Variants in GRK7 observed in about 807,000 individuals in gnomAD.
The protein encoded by GRK7 is G protein-coupled receptor kinase 7.
In GRK7, 24 loss-of-function variants were observed where a neutral mutation model predicts 34.1. The observed-to-expected ratio is 0.70, with a 90% CI of 0.51 to 0.99. The LOEUF is 0.99. GRK7 is among the 50% of genes least tolerant of loss of function. The pLI is 0.00. For missense variants in GRK7, 644 were observed against 707.3 expected (o/e 0.91, Z 1.02); for synonymous variants, 256 against 279.4 (o/e 0.92, Z 0.84).
In GRK7 at chr3:141,764,554, C is replaced by T. The variant is rs1433776244; in HGVS notation, c.-1399C>T. ...CCACATTCTGTCTCTCCTAATACCC[C>T]ACTGCCCTCACCTCCTCAAACTCTA... On this transcript the variant is annotated 5_prime_UTR_variant, in exon 1 of 6. Transcript: ENST00000682958. Among the ~76,000 whole-genome samples, 1 of 152,172 alleles carries T rather than the reference C, an allele frequency of 6.6e-6. No individual in the cohort carries two copies. Among genetic ancestry groups the T allele is most frequent in the Non-Finnish European group, 1.5e-5 (1 of 68,034 alleles).
At chr3:141,760,338 G>C (rs1187506396), upstream of GRK7, among the ~76,000 whole-genome samples, 9 of 136,574 alleles carry the variant, frequency 6.6e-5, no homozygotes, top group Admixed American at 6.9e-4. Context: ...TGGTTTCAAA[G>C]AACATCTTTA....
intron 1 of GRK7, among the ~76,000 whole-genome samples, chr3:141,771,972 C>T (rs2084619243): frequency 6.6e-6 from 1 of 151,954 alleles, no homozygotes; most frequent in Non-Finnish European, 1.5e-5. Context: ...AGGTGTGAGC[C>T]ACTGCACCCA....
intron 4 of GRK7, among the ~76,000 whole-genome samples, chr3:141,803,879 T>G (rs1378934707): frequency 6.6e-6 from 1 of 151,048 alleles, no homozygotes; most frequent in Non-Finnish European, 1.5e-5. Context: ...GCCCAGCTAT[T>G]TTTTGTATTT....
intron 4 of GRK7, among the ~76,000 whole-genome samples, chr3:141,796,075 C>T (rs575712901): frequency 6.6e-6 from 1 of 152,298 alleles, no homozygotes; most frequent in South Asian, 2.1e-4. Context: ...AAATATAGTC[C>T]TGCAGGTCAA....
At chr3:141,760,762 A>T (rs1261230049), upstream of GRK7, among the ~76,000 whole-genome samples, 1 of 140,388 alleles carries the variant, frequency 7.1e-6, no homozygotes, top group Non-Finnish European at 1.5e-5. Context: ...GTCTCTTTGT[A>T]GGTCACTCAG....
intron 5 of GRK7, among the ~76,000 whole-genome samples, chr3:141,811,187 G>A (rs920716259): frequency 2.6e-5 from 4 of 151,756 alleles, no homozygotes; most frequent in African/African-American, 7.3e-5. Context: ...GTGCAGTGGC[G>A]GGTGCCTGTA....
intron 1 of GRK7, among the ~76,000 whole-genome samples, 44 bp from the exon 2 acceptor site, chr3:141,774,536 A>AT (rs1460893564): frequency 5.9e-5 from 9 of 152,194 alleles, no homozygotes; most frequent in Non-Finnish European, 1.3e-4. Flanking sequence ...CCCCAGTGAT[A>AT]AGCTTAAATA....
At chr3:141,767,810 G>A (rs928610892) in intron 1 of GRK7, among the ~76,000 whole-genome samples, 1 of 152,040 alleles carries the variant, frequency 6.6e-6, no homozygotes, top group Non-Finnish European at 1.5e-5. Flanking sequence ...GCTTCTCTAT[G>A]CCACAGGGAC....
At chr3:141,801,086 G>C (rs1057354709) in intron 4 of GRK7, among the ~76,000 whole-genome samples, 1 of 151,928 alleles carries the variant, frequency 6.6e-6, no homozygotes, top group Non-Finnish European at 1.5e-5. Context: ...CGAGGCGGGC[G>C]GATCACAAGG....
intron 1 of GRK7, among the ~76,000 whole-genome samples, chr3:141,767,049 G>A (rs2107870762): frequency 6.6e-6 from 1 of 152,320 alleles, no homozygotes; most frequent in East Asian, 1.9e-4. Context: ...CTTGTTTAGA[G>A]AGGAAGATGT....
At position 141,816,913 on chromosome 3, in the gene GRK7, G is replaced by T; in HGVS notation, c.1525G>T (p.Ala509Ser). ...DKDKQFFKNF[A>S]TGAVPIAWQE... ...AGATAAGCAGTTCTTCAAAAACTTTGCGACAGGTGCTGTTCCTATAGCATG... is the reference window on the plus strand; with the variant it reads ...AGATAAGCAGTTCTTCAAAAACTTTTCGACAGGTGCTGTTCCTATAGCATG... The change falls in exon 6 of 6, where the codon GCG becomes TCG. Residue 509 changes from alanine to serine, a missense_variant. Coordinates refer to ENST00000682958, the MANE Select transcript of GRK7 (RefSeq NM_139209.3). 1 of 1,614,144 alleles carries T rather than the reference G, an allele frequency of 6.2e-7. No individual in the cohort carries two copies. Among genetic ancestry groups the T allele is most frequent in the Non-Finnish European group, 8.5e-7 (1 of 1,180,014 alleles).
chr3:141,808,017 A>G (rs547559166), intron 5 of GRK7, 98 bp downstream of exon 5: 1 of 1,108,184 alleles, frequency 9.0e-7, no homozygotes, highest in East Asian at 2.5e-5. Flanking sequence ...GGAATTAAGT[A>G]TTATGATTTT....
chr3:141,768,961 A>G (rs1318861227), intron 1 of GRK7, among the ~76,000 whole-genome samples: 1 of 152,018 alleles, frequency 6.6e-6, no homozygotes, highest in African/African-American at 2.4e-5. Context: ...GAATGACCTC[A>G]AGGCTCAGTC....
At chr3:141,779,307 T>C (rs1382701379) in intron 3 of GRK7, among the ~76,000 whole-genome samples, 1 of 150,256 alleles carries the variant, frequency 6.7e-6, no homozygotes, top group African/African-American at 2.5e-5. Flanking sequence ...TCCCAGCTAC[T>C]TGGGAGGCTG....
At chr3:141,760,663 G>A (rs2084551724), upstream of GRK7, among the ~76,000 whole-genome samples, 1 of 151,226 alleles carries the variant, frequency 6.6e-6, no homozygotes, top group African/African-American at 2.4e-5. Flanking sequence ...CAATTCCTGG[G>A]TATCCTTGTT....
At chr3:141,756,348 G>C in the GRK7 span, among the ~76,000 whole-genome samples, 1 of 132,134 alleles carries the variant, frequency 7.6e-6, no homozygotes, top group African/African-American at 3.0e-5. Context: ...GAAAACAACT[G>C]ATGCAGGCGA....
chr3:141,756,687 A>T, the GRK7 span, among the ~76,000 whole-genome samples: 1 of 152,190 alleles, frequency 6.6e-6, no homozygotes, highest in Non-Finnish European at 1.5e-5. Context: ...AAAGAAAGAG[A>T]TGGCTATTAT....
chr3:141,762,364 A>G (rs1162835143), upstream of GRK7, among the ~76,000 whole-genome samples: 141 of 144,018 alleles, frequency 9.8e-4, no homozygotes, highest in Non-Finnish European at 1.4e-3. Flanking sequence ...GTCTGTTGGA[A>G]TACCCTGCCG....
intron 4 of GRK7, among the ~76,000 whole-genome samples, chr3:141,785,394 C>G (rs1040464652): frequency 6.6e-6 from 1 of 152,170 alleles, no homozygotes; most frequent in African/African-American, 2.4e-5. Flanking sequence ...GTGGCTCAGG[C>G]CTAATCCCAG....
Sources: allele counts gnomAD v4.1 joint callset (sites outside exome capture counted in the v4.1 genomes callset), GRCh38; gene constraint gnomAD v4.1.1; transcripts MANE v1.5; gene names NCBI Gene and HGNC (gene_info 2026-07-23, HGNC 2026-07-21).